The following KCNIP1 variants were observed in gnomAD, a reference collection of about 807,000 sequenced individuals.
The protein encoded by KCNIP1 is potassium voltage-gated channel interacting protein 1.
KCNIP1 carries 18 observed loss-of-function variants against 33.0 expected under a neutral mutation model. The observed-to-expected ratio is 0.55, with a 90% CI of 0.38 to 0.81. The LOEUF (loss-of-function observed/expected upper bound fraction) is 0.81. Ranked by LOEUF, KCNIP1 falls within the 30% of genes least tolerant of loss-of-function variation. The probability of loss-of-function intolerance (pLI) is 0.00; values close to 1 mark genes in which losing one functional copy is unlikely to be tolerated. For missense variants in KCNIP1, 238 were observed against 271.6 expected (o/e 0.88, Z 0.87); for synonymous variants, 93 against 98.3 (o/e 0.95, Z 0.32).
At chr5:170,547,186 C>T (rs542553916) in intron 1 of KCNIP1, among the ~76,000 whole-genome samples, 3 of 152,224 alleles carry the variant, frequency 2.0e-5, no homozygotes, top group East Asian at 1.9e-4. Flanking sequence ...AATATTTCTC[C>T]GTCACAGGTT....
chr5:170,499,711 A>C (rs554929448), upstream of KCNIP1, among the ~76,000 whole-genome samples: 11 of 152,218 alleles, frequency 7.2e-5, no homozygotes, highest in East Asian at 5.9e-4. Context: ...GAAGAAATAA[A>C]TTAAGAAAGA....
intron 1 of KCNIP1, among the ~76,000 whole-genome samples, chr5:170,442,518 G>A (rs564429803): frequency 3.3e-5 from 5 of 152,230 alleles, no homozygotes; most frequent in East Asian, 1.9e-4. Context: ...CTCGTTCTGC[G>A]TTCAGGATGA....
At chr5:170,422,225 T>C (rs1367149159) in intron 1 of KCNIP1, 1 of 152,170 alleles carries the variant, frequency 6.6e-6, no homozygotes, top group Non-Finnish European at 1.5e-5. Flanking sequence ...AAACTGGATG[T>C]AAAACCAAGC....
At chr5:170,456,671 TTC>T (rs1272500271) in intron 1 of KCNIP1, among the ~76,000 whole-genome samples, 2 of 126,852 alleles carry the variant, frequency 1.6e-5, no homozygotes, top group African/African-American at 3.2e-5. Context: ...TTTTCTTTCT[TTC>T]TCTTTCTTTC....
chr5:170,406,874 T>A (rs978312041), intron 1 of KCNIP1, among the ~76,000 whole-genome samples: 4 of 152,070 alleles, frequency 2.6e-5, no homozygotes, highest in Non-Finnish European at 5.9e-5. Context: ...GTGCCATGAG[T>A]GTCAACAGAA....
intron 1 of KCNIP1, among the ~76,000 whole-genome samples, chr5:170,472,028 A>C (rs891758955): frequency 6.6e-6 from 1 of 152,132 alleles, no homozygotes; most frequent in Non-Finnish European, 1.5e-5. Flanking sequence ...TTGGGGAAGC[A>C]GTTCCTGACC....
At chr5:170,519,983 T>A (rs751167250) in intron 1 of KCNIP1, among the ~76,000 whole-genome samples, 7 of 152,130 alleles carry the variant, frequency 4.6e-5, no homozygotes, top group Non-Finnish European at 8.8e-5. Context: ...CTGGGCTGAA[T>A]TTCTTTAAGG....
chr5:170,729,406 T>C (rs1472797624), intron 5 of KCNIP1, among the ~76,000 whole-genome samples: 1 of 152,100 alleles, frequency 6.6e-6, no homozygotes, highest in Non-Finnish European at 1.5e-5. Context: ...GCAAGAGTCA[T>C]ATTCATCGTG....
At chr5:170,472,058 C>T (rs971638520) in intron 1 of KCNIP1, among the ~76,000 whole-genome samples, 2 of 152,102 alleles carry the variant, frequency 1.3e-5, no homozygotes, top group African/African-American at 4.8e-5. Flanking sequence ...CCGGCCCACC[C>T]CCGTTATTCT....
chr5:170,602,924 CAGTT>C (rs1390906473), intron 1 of KCNIP1, among the ~76,000 whole-genome samples: 3 of 152,198 alleles, frequency 2.0e-5, no homozygotes, highest in Non-Finnish European at 2.9e-5. Flanking sequence ...CCGCATCACA[CAGTT>C]AGTGAGCACA....
chr5:170,703,252 T>C (rs1435715042), intron 1 of KCNIP1, among the ~76,000 whole-genome samples: 1 of 137,608 alleles, frequency 7.3e-6, no homozygotes, highest in African/African-American at 2.7e-5. Context: ...AGGAAAGGAA[T>C]TGTTGAACAG....
At chr5:170,729,436 GAC>G (rs1406253014) in intron 5 of KCNIP1, among the ~76,000 whole-genome samples, 1 of 151,846 alleles carries the variant, frequency 6.6e-6, no homozygotes, top group East Asian at 1.9e-4. Context: ...GTATTTCTTT[GAC>G]ACAATATCTA....
At chr5:170,622,754 G>C (rs1759654555) in intron 1 of KCNIP1, among the ~76,000 whole-genome samples, 1 of 152,154 alleles carries the variant, frequency 6.6e-6, no homozygotes, top group African/African-American at 2.4e-5. Flanking sequence ...GGAAGCCTAG[G>C]AAGGGTTTTC....
At chr5:170,528,960 A>C (rs372143257) in intron 1 of KCNIP1, among the ~76,000 whole-genome samples, 5 of 152,256 alleles carry the variant, frequency 3.3e-5, no homozygotes, top group African/African-American at 1.2e-4. Context: ...ACCTAACCCC[A>C]AAGATTGCCC....
chr5:170,695,072 C>T (rs911904449), intron 1 of KCNIP1, among the ~76,000 whole-genome samples: 3 of 152,166 alleles, frequency 2.0e-5, no homozygotes, highest in Admixed American at 2.0e-4. Context: ...TCTCCAGCTT[C>T]CCCACTTCAC....
chr5:170,517,667 G>C, intron 1 of KCNIP1, among the ~76,000 whole-genome samples: 1 of 148,194 alleles, frequency 6.7e-6, no homozygotes, highest in South Asian at 2.2e-4. Context: ...GTATGGTGGT[G>C]GTGGTGATGA....
At chr5:170,387,311 C>A (rs115666412) in intron 1 of KCNIP1, among the ~76,000 whole-genome samples, 2,457 of 152,202 alleles carry the variant, frequency 0.016, 53 homozygotes, top group African/African-American at 0.056. Flanking sequence ...GGTGACAGGC[C>A]TTAGTCCAAA....
chr5:170,659,373 G>A (rs531664228), intron 1 of KCNIP1, among the ~76,000 whole-genome samples: 1 of 152,316 alleles, frequency 6.6e-6, no homozygotes, highest in South Asian at 2.1e-4. Context: ...AAAGGCATGG[G>A]TGGGAGTAGA....
intron 1 of KCNIP1, among the ~76,000 whole-genome samples, chr5:170,401,491 C>T (rs779735641): frequency 3.3e-5 from 5 of 152,148 alleles, no homozygotes; most frequent in Non-Finnish European, 5.9e-5. Flanking sequence ...AATCTGGGCA[C>T]GGTGGCTCAT....
Sources: allele counts gnomAD v4.1 joint callset (sites outside exome capture counted in the v4.1 genomes callset), GRCh38; gene constraint gnomAD v4.1.1; transcripts MANE v1.5; gene names NCBI Gene and HGNC (gene_info 2026-07-23, HGNC 2026-07-21).